LRRC7: variants seen among roughly 807,000 people sequenced by gnomAD.
LRRC7 encodes the protein leucine rich repeat containing 7, also known as leucine-rich repeat-containing protein 7.
In LRRC7, 23 loss-of-function variants were observed where a neutral mutation model predicts 175.7. The ratio of observed to expected loss-of-function variants is 0.13; its 90% CI spans 0.09 to 0.19. The LOEUF is 0.19. Ranked by LOEUF, LRRC7 falls within the 10% of genes least tolerant of loss-of-function variation. LRRC7 has a pLI of 1.00. For missense variants in LRRC7, 1,354 were observed against 1,904.7 expected (o/e 0.71, Z 5.38); for synonymous variants, 685 against 680.9 (o/e 1.01, Z -0.09).
At chr1:69,851,656 A>G (rs1380583430) in intron 7 of LRRC7, among the ~76,000 whole-genome samples, 1 of 152,150 alleles carries the variant, frequency 6.6e-6, no homozygotes, top group Non-Finnish European at 1.5e-5. Context: ...GCACAAGTAG[A>G]AAATATTAGA....
At chr1:69,672,299 G>C (rs1659195452) in intron 1 of LRRC7, among the ~76,000 whole-genome samples, 1 of 152,102 alleles carries the variant, frequency 6.6e-6, no homozygotes, top group Non-Finnish European at 1.5e-5. Flanking sequence ...AGTCATACTA[G>C]CCACATTTGA....
At position 69,913,471 on chromosome 1, in the gene LRRC7, A is replaced by T. The variant is rs922306827; in HGVS notation, c.648-18036A>T. ...TGTTTCCTGGTTTATAACAACAATAAGTTACATATTCTCATAATGAGGTGT... is the reference window on the plus strand; with the variant it reads ...TGTTTCCTGGTTTATAACAACAATATGTTACATATTCTCATAATGAGGTGT... On this transcript the variant is annotated intron_variant, in intron 7 of 26. Coordinates refer to ENST00000651989, the MANE Select transcript of LRRC7 (RefSeq NM_001370785.2). Among the ~76,000 whole-genome samples, 10 of 152,296 alleles carry T rather than the reference A, an allele frequency of 6.6e-5. No homozygotes were observed. The East Asian group carries it at 1.9e-3, about 29-fold the overall frequency.
chr1:69,908,184 C>T (rs989787171), intron 7 of LRRC7, among the ~76,000 whole-genome samples: 2 of 151,988 alleles, frequency 1.3e-5, no homozygotes, highest in African/African-American at 4.8e-5. Flanking sequence ...AGCGGTCTAT[C>T]AATTTTGTTG....
At chr1:69,669,640 C>T (rs1242901791) in intron 1 of LRRC7, among the ~76,000 whole-genome samples, 1 of 152,076 alleles carries the variant, frequency 6.6e-6, no homozygotes, top group Non-Finnish European at 1.5e-5. Context: ...CTGTTATTAT[C>T]CTTTAAAATA....
chr1:70,035,625 CAAAA>C (rs765207825), intron 18 of LRRC7, among the ~76,000 whole-genome samples: 2 of 71,836 alleles, frequency 2.8e-5, no homozygotes, highest in Admixed American at 1.6e-4. Context: ...TAGGGATGCA[CAAAA>C]AAAAAAAAAA....
intron 7 of LRRC7, among the ~76,000 whole-genome samples, chr1:69,887,994 T>G (rs1003780686): frequency 8.2e-6 from 1 of 122,452 alleles, no homozygotes; most frequent in African/African-American, 3.1e-5. Flanking sequence ...TCCAGCTGCG[T>G]GTTGGGAGAA....
chr1:69,610,197 AT>A (rs1387961556), intron 1 of LRRC7, among the ~76,000 whole-genome samples: 1 of 152,066 alleles, frequency 6.6e-6, no homozygotes, highest in Non-Finnish European at 1.5e-5. Context: ...TTTCTAAAAA[AT>A]ATTCAATACC....
intron 4 of LRRC7, among the ~76,000 whole-genome samples, chr1:69,797,096 T>G (rs76509138): frequency 0.027 from 4,131 of 152,226 alleles, 167 homozygotes; most frequent in African/African-American, 0.09. Flanking sequence ...GGCAGGTAAA[T>G]AAGAATTATA....
At chr1:69,703,726 A>T (rs1393678696) in intron 2 of LRRC7, among the ~76,000 whole-genome samples, 1 of 152,006 alleles carries the variant, frequency 6.6e-6, no homozygotes, top group Non-Finnish European at 1.5e-5. Context: ...GTGTGTACAT[A>T]TAGCATGTAT....
In LRRC7 at chr1:69,922,690, C is replaced by T. The variant is rs974625321; in HGVS notation, c.648-8817C>T. ...CTAAAACTAATCATCTCAAAATTAC[C>T]ACTAATCTCCATGTTGTCAAATTAA... On this transcript the variant is annotated intron_variant, in intron 7 of 26. Coordinates refer to ENST00000651989, the MANE Select transcript of LRRC7 (RefSeq NM_001370785.2). Among the ~76,000 whole-genome samples the T allele has an allele frequency of 2.4e-4, 37 of 152,052 alleles. 1 individual carries two copies. The highest frequency in any genetic ancestry group is 3.4e-4 in the Non-Finnish European group (23 of 68,010).
chr1:69,839,609 T>C (rs894506662), intron 7 of LRRC7, among the ~76,000 whole-genome samples: 2 of 152,100 alleles, frequency 1.3e-5, no homozygotes, highest in African/African-American at 4.8e-5. Flanking sequence ...AGTGGAAACA[T>C]GGCTAACTGG....
In LRRC7 at chr1:69,587,635, A is replaced by G. The variant is rs570557614; in HGVS notation, c.2+18994A>G. Among the ~76,000 whole-genome samples, 194 of 152,144 alleles carry G rather than the reference A, an allele frequency of 1.3e-3. 1 individual carries two copies. The highest frequency in any genetic ancestry group is 1.3e-3 in the Non-Finnish European group (89 of 68,008). On this transcript the variant is annotated intron_variant, in intron 1 of 26. Transcript: ENST00000651989. Reference sequence around the variant, plus strand: ...GTAATCTCCACGTGTTGAGGGAGGGATCTGATGGAAGGTAATTGGATCGTG... The same window carrying G: ...GTAATCTCCACGTGTTGAGGGAGGGGTCTGATGGAAGGTAATTGGATCGTG...
chr1:69,864,243 C>G (rs1406963512), intron 7 of LRRC7, among the ~76,000 whole-genome samples: 1 of 152,090 alleles, frequency 6.6e-6, no homozygotes, highest in Admixed American at 6.6e-5. Context: ...TATGAGTTCC[C>G]TTATGGGGAC....
intron 26 of LRRC7, 90 bp from the exon 27 acceptor site, chr1:70,121,690 C>A: frequency 3.8e-6 from 3 of 791,234 alleles, no homozygotes; most frequent in Non-Finnish European, 4.1e-6. Context: ...CTTTTTGTTG[C>A]TCAGTGCTCC....
intron 3 of LRRC7, among the ~76,000 whole-genome samples, chr1:69,781,769 GA>G (rs1673649826): frequency 2.1e-5 from 1 of 47,100 alleles, no homozygotes; most frequent in African/African-American, 1.1e-4. Flanking sequence ...GAGAGAGAAA[GA>G]AAGAAAGAAA....
At chr1:69,902,933 T>C (rs1646179761) in intron 7 of LRRC7, among the ~76,000 whole-genome samples, 1 of 152,210 alleles carries the variant, frequency 6.6e-6, no homozygotes, top group Admixed American at 6.5e-5. Context: ...ATGAGGCACA[T>C]TTCACAATGG....
At position 70,139,865 on chromosome 1, in the gene LRRC7, C is replaced by G. The variant is rs541546762; in HGVS notation, c.*17978C>G. The stretch of plus-strand genomic sequence containing the variant: ...TGTTAAAGGTTTTCCTGGACTCCTA[C>G]AGTCTGGTTTGATCAGTTTATTATT... On this transcript the variant is annotated 3_prime_UTR_variant, in exon 27 of 27. Transcript: ENST00000651989. 2 of 152,256 alleles carry G rather than the reference C, an allele frequency of 1.3e-5. No homozygotes were observed. The highest frequency in any genetic ancestry group is 3.9e-4 in the East Asian group (2 of 5,180). The allele number at this position is 152,256 out of a possible 1,614,324, so 9.4% of individuals were successfully genotyped here.
At chr1:70,009,334 CTTTTT>C (rs1001728108) in intron 11 of LRRC7, among the ~76,000 whole-genome samples, 1 of 147,306 alleles carries the variant, frequency 6.8e-6, no homozygotes, top group African/African-American at 2.5e-5. Flanking sequence ...GCTAGACTTT[CTTTTT>C]TTTCTTTCTT....
At chr1:69,943,949 AACACACACACACACACACACAC>A (rs55900412) in intron 8 of LRRC7, among the ~76,000 whole-genome samples, 2 of 145,404 alleles carry the variant, frequency 1.4e-5, no homozygotes, top group Non-Finnish European at 1.5e-5. Context: ...TATCATGGTA[AACACACACACACACACACACAC>A]ACACACACAC....
Sources: allele counts gnomAD v4.1 joint callset (sites outside exome capture counted in the v4.1 genomes callset), GRCh38; gene constraint gnomAD v4.1.1; transcripts MANE v1.5; gene names NCBI Gene and HGNC (gene_info 2026-07-23, HGNC 2026-07-21).